WWOX: variants seen among roughly 807,000 people sequenced by gnomAD.
The protein encoded by WWOX is WW domain containing oxidoreductase.
Under a neutral mutation model 46.2 loss-of-function variants are expected in WWOX, and 69 were observed. That is an observed-to-expected ratio of 1.49 (90% CI 1.23 to 1.82). The LOEUF is 1.82. WWOX is among the 40% of genes most tolerant of loss of function. WWOX has a pLI of 0.00. For missense variants in WWOX, 919 were observed against 542.6 expected, an observed-to-expected ratio of 1.69 and a Z score of -6.89; for synonymous variants, 359 against 202.6, an observed-to-expected ratio of 1.77 and a Z score of -6.56.
intron 8 of WWOX, among the ~76,000 whole-genome samples, chr16:78,496,927 C>T (rs555056608): frequency 2.6e-5 from 4 of 152,158 alleles, no homozygotes; most frequent in East Asian, 3.9e-4. Context: ...TCTCCTTTCC[C>T]GCCCTCTCAA....
intron 8 of WWOX, among the ~76,000 whole-genome samples, chr16:79,053,902 A>G (rs1056029098): frequency 6.6e-6 from 1 of 152,188 alleles, no homozygotes; most frequent in East Asian, 1.9e-4. Context: ...TACCCCAGCC[A>G]TAGAAAGTGA....
intron 8 of WWOX, among the ~76,000 whole-genome samples, chr16:78,949,198 C>T (rs1046535459): frequency 2.6e-5 from 4 of 152,206 alleles, no homozygotes; most frequent in Admixed American, 2.6e-4. Flanking sequence ...AGAGCCCAGG[C>T]TGGCTGACAC....
At chr16:78,680,557 G>A (rs886510445) in intron 8 of WWOX, among the ~76,000 whole-genome samples, 1 of 152,154 alleles carries the variant, frequency 6.6e-6, no homozygotes, top group African/African-American at 2.4e-5. Context: ...GCCATGTAGA[G>A]CTGGGCTATC....
intron 7 of WWOX, among the ~76,000 whole-genome samples, chr16:78,430,988 CCATTATGCTTCTT>C (rs2083204395): frequency 1.3e-5 from 2 of 152,098 alleles, no homozygotes; most frequent in African/African-American, 4.8e-5. Flanking sequence ...TAGAGGATTC[CCATTATGCTTCTT>C]CATTACCCGG....
At chr16:78,860,430 A>G (rs558460362) in intron 8 of WWOX, among the ~76,000 whole-genome samples, 4 of 152,300 alleles carry the variant, frequency 2.6e-5, no homozygotes, top group East Asian at 1.9e-4. Context: ...TAGGCAGTCA[A>G]TGAAGATCAC....
chr16:78,310,507 C>G (rs537927940), intron 5 of WWOX, among the ~76,000 whole-genome samples: 4 of 152,212 alleles, frequency 2.6e-5, no homozygotes, highest in Non-Finnish European at 4.4e-5. Flanking sequence ...ATCTAAAGGA[C>G]GTGCCATTGC....
chr16:78,949,710 T>A (rs1429292673), intron 8 of WWOX, among the ~76,000 whole-genome samples: 1 of 152,210 alleles, frequency 6.6e-6, no homozygotes, highest in Non-Finnish European at 1.5e-5. Context: ...CATCGTGCCA[T>A]AGCTGTCCCT....
chr16:78,733,795 G>A (rs1034872744), intron 8 of WWOX, among the ~76,000 whole-genome samples: 1 of 151,994 alleles, frequency 6.6e-6, no homozygotes, highest in Non-Finnish European at 1.5e-5. Flanking sequence ...GCTAGGCACA[G>A]TGGGTCATGC....
At chr16:78,926,781 C>T (rs927127275) in intron 8 of WWOX, among the ~76,000 whole-genome samples, 3 of 151,918 alleles carry the variant, frequency 2.0e-5, no homozygotes, top group African/African-American at 7.3e-5. Flanking sequence ...GAGCTGAGTG[C>T]CAGTTTGTTT....
intron 8 of WWOX, among the ~76,000 whole-genome samples, chr16:79,096,647 C>T (rs1324936083): frequency 6.6e-6 from 1 of 152,188 alleles, no homozygotes; most frequent in Non-Finnish European, 1.5e-5. Flanking sequence ...TCCATATTAT[C>T]ATTGCCATCA....
chr16:79,132,127 AACACACACAC>A (rs141785224), intron 8 of WWOX, among the ~76,000 whole-genome samples: 2,032 of 141,572 alleles, frequency 0.014, 36 homozygotes, highest in East Asian at 0.042. Context: ...CACTTGCAGA[AACACACACAC>A]ACACACACAC....
At chr16:78,734,095 C>T (rs746065723) in intron 8 of WWOX, among the ~76,000 whole-genome samples, 1 of 151,894 alleles carries the variant, frequency 6.6e-6, no homozygotes, top group Non-Finnish European at 1.5e-5. Context: ...ATAAGTCGTC[C>T]ATCCGTCCAT....
chr16:78,620,899 G>T (rs929730321), intron 8 of WWOX, among the ~76,000 whole-genome samples: 1 of 152,000 alleles, frequency 6.6e-6, no homozygotes, highest in Non-Finnish European at 1.5e-5. Flanking sequence ...TATTTGGTTG[G>T]AATTTTATTT....
At chr16:78,303,209 A>C (rs2080073168) in intron 5 of WWOX, among the ~76,000 whole-genome samples, 1 of 152,184 alleles carries the variant, frequency 6.6e-6, no homozygotes, top group African/African-American at 2.4e-5. Context: ...TCTATCTCTA[A>C]TTTATGTTAC....
At chr16:79,026,039 G>A (rs574591781) in intron 8 of WWOX, among the ~76,000 whole-genome samples, 3 of 151,432 alleles carry the variant, frequency 2.0e-5, no homozygotes, top group African/African-American at 4.9e-5. Context: ...GGTCCCAGGC[G>A]ATCTGCCTGT....
intron 8 of WWOX, among the ~76,000 whole-genome samples, chr16:79,081,811 C>T (rs575538436): frequency 1.3e-5 from 2 of 152,210 alleles, no homozygotes; most frequent in Admixed American, 1.3e-4. Flanking sequence ...AGCAGAAGAC[C>T]TGTCGTGCTT....
intron 8 of WWOX, among the ~76,000 whole-genome samples, chr16:78,954,467 T>C (rs960853413): frequency 6.6e-6 from 1 of 152,190 alleles, no homozygotes; most frequent in Non-Finnish European, 1.5e-5. Flanking sequence ...GGTGAAACTT[T>C]TATATTTTAC....
chr16:79,152,848 C>T (rs1039716222), intron 8 of WWOX, among the ~76,000 whole-genome samples: 1 of 152,088 alleles, frequency 6.6e-6, no homozygotes. Context: ...AGCTTGTGAG[C>T]TCACTCCCTG....
chr16:79,073,470 G>A (rs1009273655), intron 8 of WWOX, among the ~76,000 whole-genome samples: 9 of 152,050 alleles, frequency 5.9e-5, no homozygotes, highest in South Asian at 2.1e-4. Context: ...ATGAGCCACC[G>A]CGCCTGGCTT....
Sources: allele counts gnomAD v4.1 joint callset (sites outside exome capture counted in the v4.1 genomes callset), GRCh38; gene constraint gnomAD v4.1.1; transcripts MANE v1.5; gene names NCBI Gene and HGNC (gene_info 2026-07-23, HGNC 2026-07-21).